TNRC6B: variants seen among roughly 807,000 people sequenced by gnomAD.
TNRC6B encodes trinucleotide repeat-containing gene 6B protein.
In TNRC6B, 52 loss-of-function variants were observed where a neutral mutation model predicts 203.6. The observed-to-expected ratio is 0.26, with a 90% CI of 0.20 to 0.32. The LOEUF is 0.32. TNRC6B is among the 10% of genes least tolerant of loss of function. The pLI is 1.00. For synonymous variants in TNRC6B, 838 were observed against 845.7 expected (o/e 0.99, Z 0.16); for missense variants, 1,923 against 2,286.2 (o/e 0.84, Z 3.24).
At chr22:40,140,151 G>T (rs1432330813) in intron 3 of TNRC6B, among the ~76,000 whole-genome samples, 2 of 151,876 alleles carry the variant, frequency 1.3e-5, no homozygotes, top group African/African-American at 4.8e-5. Context: ...AAGTTCAAAA[G>T]AATCAATTAT....
chr22:40,107,567 T>G (rs2068297055), intron 1 of TNRC6B, among the ~76,000 whole-genome samples: 1 of 152,210 alleles, frequency 6.6e-6, no homozygotes, highest in African/African-American at 2.4e-5. Context: ...TATTTTTTAT[T>G]TTTATTTTAA....
intron 1 of TNRC6B, among the ~76,000 whole-genome samples, chr22:40,178,428 T>G (rs1304990818): frequency 6.6e-6 from 1 of 152,202 alleles, no homozygotes; most frequent in African/African-American, 2.4e-5. Context: ...TGCGAGTAAT[T>G]GGAAATTTGC....
intron 2 of TNRC6B, among the ~76,000 whole-genome samples, chr22:40,250,401 G>C (rs1048941343): frequency 3.9e-5 from 6 of 151,994 alleles, no homozygotes; most frequent in African/African-American, 1.5e-4. Context: ...TGTTCAGCCT[G>C]TCCAGCCTTC....
At chr22:40,156,389 A>G (rs2146353565) in intron 4 of TNRC6B, among the ~76,000 whole-genome samples, 1 of 152,246 alleles carries the variant, frequency 6.6e-6, no homozygotes, top group Middle Eastern at 3.4e-3. Flanking sequence ...AGTTTTTCAC[A>G]CTCGCCTAAT....
At chr22:40,100,992 A>AT (rs58490105) in intron 1 of TNRC6B, among the ~76,000 whole-genome samples, 29,553 of 146,132 alleles carry the variant, frequency 0.2, 3,111 homozygotes, top group South Asian at 0.3. Flanking sequence ...TCTCTTCAGC[A>AT]TTTTTTTTTT....
At chr22:40,185,336 G>A (rs921507877) in intron 1 of TNRC6B, among the ~76,000 whole-genome samples, 3 of 152,124 alleles carry the variant, frequency 2.0e-5, no homozygotes, top group African/African-American at 4.8e-5. Flanking sequence ...TCCAAAGATG[G>A]CATACCTGTA....
At chr22:40,114,594 C>A (rs1433596875) in intron 1 of TNRC6B, among the ~76,000 whole-genome samples, 1 of 152,098 alleles carries the variant, frequency 6.6e-6, no homozygotes, top group East Asian at 1.9e-4. Flanking sequence ...AAGTGAAGTG[C>A]TAGGATTATA....
intron 19 of TNRC6B, among the ~76,000 whole-genome samples, chr22:40,314,760 G>A (rs190277047): frequency 6.6e-6 from 1 of 152,288 alleles, no homozygotes; most frequent in African/African-American, 2.4e-5. Context: ...CACTGATTTC[G>A]TGCCGTATGC....
chr22:40,064,286 G>A (rs1277649685), intron 1 of TNRC6B, among the ~76,000 whole-genome samples: 1 of 151,816 alleles, frequency 6.6e-6, no homozygotes, highest in African/African-American at 2.4e-5. Context: ...GGCCAAAAGT[G>A]GCAAGCCTGG....
chr22:40,296,562 C>G (rs1355491572), intron 12 of TNRC6B, among the ~76,000 whole-genome samples: 3 of 151,664 alleles, frequency 2.0e-5, no homozygotes, highest in Non-Finnish European at 4.4e-5. Context: ...GCGATCTCCT[C>G]ACCTCGTGAC....
intron 3 of TNRC6B, among the ~76,000 whole-genome samples, chr22:40,145,644 C>G (rs2068687794): frequency 6.6e-6 from 1 of 152,092 alleles, no homozygotes; most frequent in African/African-American, 2.4e-5. Context: ...GAGATTGAGA[C>G]CATCCTGGCC....
At chr22:40,242,106 G>T (rs1260688737) in intron 1 of TNRC6B, among the ~76,000 whole-genome samples, 1 of 152,120 alleles carries the variant, frequency 6.6e-6, no homozygotes, top group Non-Finnish European at 1.5e-5. Flanking sequence ...AAAACTGGGT[G>T]CTAAGTGTGT....
intron 1 of TNRC6B, among the ~76,000 whole-genome samples, chr22:40,198,649 A>C (rs935983375): frequency 3.3e-5 from 5 of 152,132 alleles, no homozygotes; most frequent in Admixed American, 6.5e-5. Flanking sequence ...GTTGAAGAAC[A>C]TTACAGATAT....
chr22:40,219,657 C>T (rs908654818), intron 1 of TNRC6B, among the ~76,000 whole-genome samples: 2 of 152,156 alleles, frequency 1.3e-5, no homozygotes, highest in Non-Finnish European at 2.9e-5. Context: ...AAGGCTGTTC[C>T]CCATGTCTTG....
chr22:40,142,414 GGC>G, intron 3 of TNRC6B, among the ~76,000 whole-genome samples: 1 of 152,112 alleles, frequency 6.6e-6, no homozygotes, highest in African/African-American at 2.4e-5. Context: ...GTAGGGCTTA[GGC>G]ATCTTTGCTT....
At position 40,312,607 on chromosome 22, in the gene TNRC6B, C is replaced by G. The variant is rs867475487; in HGVS notation, c.4538C>G (p.Pro1513Arg). 7 of 1,613,798 alleles carry G rather than the reference C, an allele frequency of 4.3e-6. No homozygotes were observed. Among genetic ancestry groups the G allele is most frequent in the Non-Finnish European group, 5.1e-6 (6 of 1,179,952 alleles). Residue 1513 changes from proline to arginine, a missense_variant, in exon 18 of 23, where the codon CCC becomes CGC. Pro to Arg is a moderately radical substitution (Grantham distance 103). Coordinates refer to ENST00000454349, the MANE Select transcript of TNRC6B (RefSeq NM_001162501.2). ...GTGCTGGGGGGTACAGCCACATCTC[C>G]CATTGTAGATACTGACCACCAACTG... ...GSVLGGTATS[P>R]IVDTDHQLLR... is the part of the protein sequence containing the mutation.
intron 1 of TNRC6B, among the ~76,000 whole-genome samples, chr22:40,108,963 G>T (rs2068310212): frequency 1.4e-5 from 2 of 142,794 alleles, no homozygotes; most frequent in African/African-American, 5.2e-5. Flanking sequence ...GGCCCAGTGT[G>T]TGTTGCTCCC....
chr22:40,138,346 A>C (rs1327338330), intron 3 of TNRC6B, among the ~76,000 whole-genome samples: 1 of 152,074 alleles, frequency 6.6e-6, no homozygotes, highest in East Asian at 1.9e-4. Flanking sequence ...GCTCACTGCA[A>C]CCTCTGCCTC....
intron 1 of TNRC6B, among the ~76,000 whole-genome samples, chr22:40,102,366 G>A (rs1569260840): frequency 6.6e-6 from 1 of 152,060 alleles, no homozygotes; most frequent in Non-Finnish European, 1.5e-5. Context: ...CCCTTATTAG[G>A]ATTCATTATT....
Sources: allele counts gnomAD v4.1 joint callset (sites outside exome capture counted in the v4.1 genomes callset), GRCh38; gene constraint gnomAD v4.1.1; transcripts MANE v1.5; gene names NCBI Gene and HGNC (gene_info 2026-07-23, HGNC 2026-07-21).